EPHA5: variants seen among roughly 807,000 people sequenced by gnomAD.
EPHA5 encodes the protein EPH receptor A5.
EPHA5 carries 60 observed loss-of-function variants against 105.0 expected under a neutral mutation model. The ratio of observed to expected loss-of-function variants is 0.57; its 90% CI spans 0.46 to 0.71. The LOEUF (loss-of-function observed/expected upper bound fraction) is 0.71, where lower values mean the gene tolerates loss of function less well. Ranked by LOEUF, EPHA5 falls within the 30% of genes least tolerant of loss-of-function variation. The pLI, the probability that EPHA5 is intolerant of heterozygous loss-of-function variation, is 0.00. For synonymous variants in EPHA5, 513 were observed against 449.1 expected, an observed-to-expected ratio of 1.14 and a Z score of -1.80; for missense variants, 1,218 against 1,274.7, an observed-to-expected ratio of 0.96 and a Z score of 0.68.
At chr4:65,421,122 C>T (rs558466402) in intron 5 of EPHA5, among the ~76,000 whole-genome samples, 4 of 152,070 alleles carry the variant, frequency 2.6e-5, no homozygotes, top group Admixed American at 2.0e-4. Context: ...TTTTTATTCT[C>T]GTTTTTCTCA....
At chr4:65,663,993 T>G (rs1337912733) in intron 1 of EPHA5, among the ~76,000 whole-genome samples, 1 of 151,952 alleles carries the variant, frequency 6.6e-6, no homozygotes, top group East Asian at 1.9e-4. Flanking sequence ...TTGTCAAAAA[T>G]AAGATGTTCA....
At chr4:65,382,587 ATTCT>A (rs1383580284) in intron 8 of EPHA5, among the ~76,000 whole-genome samples, 3 of 151,874 alleles carry the variant, frequency 2.0e-5, no homozygotes, top group Non-Finnish European at 4.4e-5. Flanking sequence ...TCTATATGCT[ATTCT>A]TTAATAGTGA....
chr4:65,652,276 A>T (rs1474632829), intron 1 of EPHA5, among the ~76,000 whole-genome samples: 2 of 152,084 alleles, frequency 1.3e-5, no homozygotes, highest in African/African-American at 2.4e-5. Flanking sequence ...CATAGAGAAT[A>T]CTCATTAGTT....
chr4:65,472,467 T>G (rs1397564163), intron 5 of EPHA5, among the ~76,000 whole-genome samples: 1 of 152,184 alleles, frequency 6.6e-6, no homozygotes, highest in East Asian at 1.9e-4. Flanking sequence ...TCCATGAGGG[T>G]TCTGCCCTTA....
At chr4:65,621,465 G>A in intron 2 of EPHA5, among the ~76,000 whole-genome samples, 1 of 152,188 alleles carries the variant, frequency 6.6e-6, no homozygotes, top group South Asian at 2.1e-4. Context: ...TAATTTTTAT[G>A]AATTAATATT....
chr4:65,603,437 A>T (rs1337240439), intron 2 of EPHA5, among the ~76,000 whole-genome samples: 3 of 152,010 alleles, frequency 2.0e-5, no homozygotes, highest in African/African-American at 7.2e-5. Context: ...ACTTTCAAAA[A>T]ATCCAGAATG....
intron 3 of EPHA5, among the ~76,000 whole-genome samples, chr4:65,587,927 C>T (rs1457047040): frequency 6.6e-6 from 1 of 152,112 alleles, no homozygotes; most frequent in Admixed American, 6.6e-5. Flanking sequence ...GCTCCTACAA[C>T]AACAGATTAA....
At chr4:65,626,092 C>G (rs796935989) in intron 2 of EPHA5, among the ~76,000 whole-genome samples, 48 of 104,526 alleles carry the variant, frequency 4.6e-4, no homozygotes, top group African/African-American at 1.7e-3. Context: ...CAGAGCGACA[C>G]TCCGTCTCAA....
intron 8 of EPHA5, among the ~76,000 whole-genome samples, chr4:65,388,181 T>C (rs1577985963): frequency 6.7e-6 from 1 of 149,318 alleles, no homozygotes; most frequent in Non-Finnish European, 1.5e-5. Context: ...TATTCCATGG[T>C]GTATATGTGC....
intron 5 of EPHA5, among the ~76,000 whole-genome samples, chr4:65,428,925 A>G (rs1168488873): frequency 9.2e-5 from 14 of 152,046 alleles, no homozygotes; most frequent in Admixed American, 6.6e-4. Context: ...AACAGTGCAA[A>G]TCACAGTAAC....
intron 1 of EPHA5, among the ~76,000 whole-genome samples, chr4:65,644,225 T>G (rs1747926430): frequency 6.6e-6 from 1 of 151,352 alleles, no homozygotes; most frequent in East Asian, 1.9e-4. Context: ...CACACCCCCA[T>G]GCACACACAT....
intron 3 of EPHA5, among the ~76,000 whole-genome samples, chr4:65,533,188 G>A (rs980467767): frequency 6.6e-6 from 1 of 152,086 alleles, no homozygotes; most frequent in East Asian, 1.9e-4. Context: ...GACAATTTGT[G>A]TACTCCTTCT....
At chr4:65,553,833 A>G (rs1347384486) in intron 3 of EPHA5, among the ~76,000 whole-genome samples, 6 of 151,978 alleles carry the variant, frequency 3.9e-5, no homozygotes, top group African/African-American at 1.4e-4. Context: ...TAAATAACTT[A>G]TTTTTCCACA....
intron 2 of EPHA5, among the ~76,000 whole-genome samples, chr4:65,603,569 T>C (rs535705938): frequency 6.6e-6 from 1 of 152,206 alleles, no homozygotes; most frequent in East Asian, 1.9e-4. Context: ...ATGTGAAAAA[T>C]GCAAGGCACA....
chr4:65,634,239 C>T (rs571940804), intron 2 of EPHA5, among the ~76,000 whole-genome samples: 3 of 152,096 alleles, frequency 2.0e-5, no homozygotes, highest in African/African-American at 7.2e-5. Flanking sequence ...AAAATATTGG[C>T]ATTAATTTAT....
chr4:65,358,655 G>A (rs1226720016), intron 11 of EPHA5, among the ~76,000 whole-genome samples: 2 of 151,494 alleles, frequency 1.3e-5, no homozygotes, highest in African/African-American at 4.8e-5. Context: ...CTATGAGACA[G>A]AACTTAGAAA....
chr4:65,646,572 C>G (rs984467503), intron 1 of EPHA5, among the ~76,000 whole-genome samples: 1 of 152,146 alleles, frequency 6.6e-6, no homozygotes, highest in South Asian at 2.1e-4. Context: ...AAAGAATTAT[C>G]TGGCCAAAAT....
At chr4:65,642,943 C>T (rs73822528) in intron 2 of EPHA5, among the ~76,000 whole-genome samples, 1 of 151,470 alleles carries the variant, frequency 6.6e-6, no homozygotes, top group African/African-American at 2.4e-5. Context: ...TAAATTGGTC[C>T]CAGCGTTGAA....
At chr4:65,324,742 C>CCT (rs1719912860) in intron 16 of EPHA5, among the ~76,000 whole-genome samples, 1 of 131,364 alleles carries the variant, frequency 7.6e-6, no homozygotes, top group Non-Finnish European at 1.6e-5. Flanking sequence ...CAATGTTTTA[C>CCT]TTTTTTTTTT....
Sources: allele counts gnomAD v4.1 joint callset (sites outside exome capture counted in the v4.1 genomes callset), GRCh38; gene constraint gnomAD v4.1.1; transcripts MANE v1.5; gene names NCBI Gene and HGNC (gene_info 2026-07-23, HGNC 2026-07-21).